ARHGAP42: variants seen among roughly 807,000 people sequenced by gnomAD.
The protein encoded by ARHGAP42 is rho GTPase-activating protein 42.
Under a neutral mutation model 125.0 loss-of-function variants are expected in ARHGAP42, and 63 were observed. The observed-to-expected ratio is 0.50, with a 90% CI of 0.41 to 0.62. The LOEUF (loss-of-function observed/expected upper bound fraction) is 0.62. Among genes scored for constraint, ARHGAP42 ranks in the 20% least tolerant of loss-of-function variants. ARHGAP42 has a pLI of 0.00. For missense variants in ARHGAP42, 766 were observed against 1,024.2 expected (o/e 0.75, Z 3.44); for synonymous variants, 339 against 351.0 (o/e 0.97, Z 0.38).
chr11:100,802,570 G>A (rs537399452), intron 3 of ARHGAP42, among the ~76,000 whole-genome samples: 3 of 151,900 alleles, frequency 2.0e-5, no homozygotes, highest in South Asian at 4.2e-4. Context: ...GACTACAGGC[G>A]CACGCCACTA....
chr11:100,691,678 G>A (rs2120168085), intron 1 of ARHGAP42, among the ~76,000 whole-genome samples: 1 of 152,212 alleles, frequency 6.6e-6, no homozygotes, highest in Admixed American at 6.5e-5. Flanking sequence ...ACCAGGCCAG[G>A]CTAATTTTTG....
At chr11:100,699,502 ATATATTTTTTTTTTTTTTTTT>A (rs1198312361) in intron 1 of ARHGAP42, among the ~76,000 whole-genome samples, 5 of 40,944 alleles carry the variant, frequency 1.2e-4, no homozygotes, top group African/African-American at 1.5e-4. Context: ...ATATATATAT[ATATATTTTTTTTTTTTTTTTT>A]TTTTTTTTTT....
At chr11:100,978,141 A>G (rs1858437941) in intron 21 of ARHGAP42, among the ~76,000 whole-genome samples, 1 of 151,954 alleles carries the variant, frequency 6.6e-6, no homozygotes. Context: ...AGAGAATATA[A>G]ACTCCATTCT....
chr11:100,858,086 G>GGTGTGT (rs201861404), intron 3 of ARHGAP42, among the ~76,000 whole-genome samples: 10,825 of 108,890 alleles, frequency 0.099, 470 homozygotes, highest in South Asian at 0.16. Context: ...TCTGGATAGG[G>GGTGTGT]GTGTGTGTGT....
At chr11:100,969,254 A>G (rs1858177034) in intron 17 of ARHGAP42, among the ~76,000 whole-genome samples, 1 of 152,086 alleles carries the variant, frequency 6.6e-6, no homozygotes, top group Admixed American at 6.6e-5. Flanking sequence ...AGACCCCAGT[A>G]AGACTTTTTC....
rs867292966 is a variant in ARHGAP42 at position 100,837,692 on chromosome 11, T to A, written c.313-21862T>A. On this transcript the variant is annotated intron_variant, in intron 3 of 23. Coordinates refer to ENST00000298815, the MANE Select transcript of ARHGAP42 (RefSeq NM_152432.4). Reference sequence around the variant, plus strand: ...TTTTTTTTTTTTTTTTTTTTTTTTTTTTTTTAGTAAATATGCTTAATTTGG... The same window carrying A: ...TTTTTTTTTTTTTTTTTTTTTTTTTATTTTTAGTAAATATGCTTAATTTGG... 5.1e-5 allele frequency among the ~76,000 whole-genome samples: 7 copies of A among 137,238 alleles called. 1 individual carries two copies. Among genetic ancestry groups the A allele is most frequent in the East Asian group, 4.3e-4 (2 of 4,676 alleles). The allele number at this position is 137,238 out of a possible 152,430, so 90.0% of individuals were successfully genotyped here.
At chr11:100,737,228 A>G (rs1311264826) in intron 1 of ARHGAP42, among the ~76,000 whole-genome samples, 1 of 152,220 alleles carries the variant, frequency 6.6e-6, no homozygotes, top group Non-Finnish European at 1.5e-5. Flanking sequence ...TTTGTTATAA[A>G]TGATAATAAC....
intron 2 of ARHGAP42, among the ~76,000 whole-genome samples, chr11:100,787,834 T>C (rs1380226529): frequency 6.6e-6 from 1 of 152,150 alleles, no homozygotes; most frequent in African/African-American, 2.4e-5. Context: ...AATCCCTCAA[T>C]GGTAAGCCAA....
Position 100,989,268 on chromosome 11 carries a change from T to C in ARHGAP42, c.*467T>C, listed in dbSNP as rs1858769298. ...TTTTTTTTTCTTAGAAATATACTGCTTTTATATATGATTGTTTTGCTGGTC... is the reference window on the plus strand; with the variant it reads ...TTTTTTTTTCTTAGAAATATACTGCCTTTATATATGATTGTTTTGCTGGTC... On this transcript the variant is annotated 3_prime_UTR_variant, in exon 24 of 24. Coordinates refer to ENST00000298815, the MANE Select transcript of ARHGAP42 (RefSeq NM_152432.4). 2 of 396,458 alleles carry C rather than the reference T, an allele frequency of 5.0e-6. No individual in the cohort carries two copies. The highest frequency in any genetic ancestry group is 8.9e-6 in the Non-Finnish European group (2 of 225,104). The allele number at this position is 396,458 out of a possible 1,614,324, so 24.6% of individuals were successfully genotyped here. A position where few individuals can be genotyped will look rare whatever the true frequency, so the allele number is the denominator to read the frequency against.
At chr11:100,914,367 T>C (rs1867007513) in intron 5 of ARHGAP42, among the ~76,000 whole-genome samples, 1 of 152,198 alleles carries the variant, frequency 6.6e-6, no homozygotes, top group Admixed American at 6.5e-5. Flanking sequence ...ATTCTTCCCA[T>C]TGGTAGTGTT....
chr11:100,887,346 T>C (rs1303459293), intron 4 of ARHGAP42, among the ~76,000 whole-genome samples: 1 of 152,136 alleles, frequency 6.6e-6, no homozygotes, highest in African/African-American at 2.4e-5. Context: ...TAGCTTCCCC[T>C]CCTGTGGCTG....
intron 6 of ARHGAP42, among the ~76,000 whole-genome samples, chr11:100,925,604 G>T (rs184766161): frequency 6.6e-6 from 1 of 151,204 alleles, no homozygotes; most frequent in East Asian, 1.9e-4. Flanking sequence ...CAGGCGTGGT[G>T]GTGGGTGCCT....
intron 2 of ARHGAP42, 146 bp downstream of exon 2, chr11:100,770,584 T>G (rs1862950022): frequency 1.5e-6 from 1 of 660,882 alleles, no homozygotes; most frequent in Non-Finnish European, 2.3e-6. Flanking sequence ...TGGAAGAAAT[T>G]TTTTCTTTTT....
At chr11:100,840,953 G>A (rs935212733) in intron 3 of ARHGAP42, among the ~76,000 whole-genome samples, 1 of 152,100 alleles carries the variant, frequency 6.6e-6, no homozygotes, top group African/African-American at 2.4e-5. Context: ...CTTACTCCTA[G>A]AAAGGATATT....
chr11:100,935,521 C>A (rs959021446), intron 7 of ARHGAP42, among the ~76,000 whole-genome samples: 1 of 152,000 alleles, frequency 6.6e-6, no homozygotes, highest in African/African-American at 2.4e-5. Flanking sequence ...TCAAAAGAAA[C>A]TAAGTCCCTA....
intron 5 of ARHGAP42, among the ~76,000 whole-genome samples, chr11:100,917,838 C>G (rs536054502): frequency 6.6e-5 from 10 of 152,294 alleles, no homozygotes; most frequent in African/African-American, 2.2e-4. Context: ...TCCCAAATTG[C>G]TGGGATTATA....
At chr11:100,794,232 A>G (rs1163189860) in intron 2 of ARHGAP42, among the ~76,000 whole-genome samples, 2 of 151,952 alleles carry the variant, frequency 1.3e-5, no homozygotes, top group East Asian at 3.9e-4. Context: ...CTCTTCCATA[A>G]TTGCCATTTG....
At chr11:100,780,032 TA>T (rs1251990874) in intron 2 of ARHGAP42, among the ~76,000 whole-genome samples, 25 of 139,398 alleles carry the variant, frequency 1.8e-4, no homozygotes, top group South Asian at 2.3e-4. Flanking sequence ...TCTCAAAAAC[TA>T]AAAAAAAAAA....
At chr11:100,955,435 T>G (rs1857778777) in intron 12 of ARHGAP42, among the ~76,000 whole-genome samples, 1 of 152,234 alleles carries the variant, frequency 6.6e-6, no homozygotes, top group South Asian at 2.1e-4. Flanking sequence ...GATACAGGGC[T>G]GGGGTAGGGC....
Sources: gnomAD v4.1 joint callset for allele counts (sites outside exome capture counted in the v4.1 genomes callset) on GRCh38, gnomAD v4.1.1 for gene constraint, MANE v1.5 for transcripts, NCBI Gene and HGNC (gene_info 2026-07-23, HGNC 2026-07-21) for gene names.